The following GALNT14 variants were observed in gnomAD, a reference collection of about 807,000 sequenced individuals.
The protein encoded by GALNT14 is polypeptide N-acetylgalactosaminyltransferase 14.
Under a neutral mutation model 77.5 loss-of-function variants are expected in GALNT14, and 60 were observed. The observed-to-expected ratio is 0.77, with a 90% CI of 0.63 to 0.96. GALNT14 has a LOEUF of 0.96. GALNT14 is among the 40% of genes least tolerant of loss of function. The pLI is 0.00. For missense variants in GALNT14, 710 were observed against 731.0 expected, an observed-to-expected ratio of 0.97 and a Z score of 0.33; for synonymous variants, 280 against 281.7, an observed-to-expected ratio of 0.99 and a Z score of 0.06.
At chr2:31,100,436 C>G (rs1299909435) in intron 1 of GALNT14, among the ~76,000 whole-genome samples, 3 of 151,892 alleles carry the variant, frequency 2.0e-5, no homozygotes, top group Admixed American at 1.3e-4. Flanking sequence ...TTATGGAATT[C>G]TTTTATTGTT....
chr2:31,015,297 GAAAA>G (rs57122032), intron 1 of GALNT14, among the ~76,000 whole-genome samples: 3 of 121,020 alleles, frequency 2.5e-5, no homozygotes, highest in Admixed American at 8.4e-5. Context: ...CATCTCAAAG[GAAAA>G]AAAAAAAAAA....
At chr2:30,945,620 A>G (rs1004582653) in intron 7 of GALNT14, among the ~76,000 whole-genome samples, 163 bp downstream of exon 7, 1 of 152,198 alleles carries the variant, frequency 6.6e-6, no homozygotes, top group Non-Finnish European at 1.5e-5. Context: ...TTCCATCCAC[A>G]GTCCTGGTGG....
intron 2 of GALNT14, among the ~76,000 whole-genome samples, chr2:30,984,337 C>T (rs1183811133): frequency 6.6e-6 from 1 of 152,222 alleles, no homozygotes; most frequent in Admixed American, 6.5e-5. Context: ...GGGGCAGGGG[C>T]ACCACTCCTG....
At chr2:30,978,845 C>G (rs1432921674) in intron 2 of GALNT14, among the ~76,000 whole-genome samples, 3 of 152,106 alleles carry the variant, frequency 2.0e-5, no homozygotes, top group African/African-American at 4.8e-5. Context: ...GGGTGATAGA[C>G]AGTAAGCTGA....
intron 1 of GALNT14, among the ~76,000 whole-genome samples, chr2:31,006,613 G>A (rs1340313038): frequency 6.6e-6 from 1 of 152,194 alleles, no homozygotes; most frequent in African/African-American, 2.4e-5. Context: ...ATAGAGTGAG[G>A]CTTCCAAAAC....
chr2:31,030,698 A>G (rs1672350399), intron 1 of GALNT14, among the ~76,000 whole-genome samples: 1 of 152,086 alleles, frequency 6.6e-6, no homozygotes, highest in Non-Finnish European at 1.5e-5. Flanking sequence ...CTACCTTCCA[A>G]ATCTCAGGCA....
At chr2:30,929,207 G>A (rs1665570331) in intron 11 of GALNT14, among the ~76,000 whole-genome samples, 188 bp downstream of exon 11, 1 of 152,236 alleles carries the variant, frequency 6.6e-6, no homozygotes. Flanking sequence ...TTCCACAAGA[G>A]CTGCCTAAAG....
At chr2:31,082,580 A>T (rs1422988046) in intron 1 of GALNT14, among the ~76,000 whole-genome samples, 1 of 152,224 alleles carries the variant, frequency 6.6e-6, no homozygotes, top group Non-Finnish European at 1.5e-5. Context: ...CAGGTGAACT[A>T]ACTATAACCT....
intron 13 of GALNT14, among the ~76,000 whole-genome samples, chr2:30,913,614 T>C (rs1168749869): frequency 6.6e-6 from 1 of 152,188 alleles, no homozygotes; most frequent in African/African-American, 2.4e-5. Context: ...CTGTCCTGAA[T>C]ACGTCCACCT....
At chr2:31,003,063 A>G (rs1041253288) in intron 1 of GALNT14, among the ~76,000 whole-genome samples, 5 of 152,200 alleles carry the variant, frequency 3.3e-5, no homozygotes, top group African/African-American at 1.2e-4. Context: ...AAGCCAAATT[A>G]CCCTGCACTG....
Position 30,957,699 on chromosome 2 carries a change from T to TGGAAG in GALNT14, c.466+697_466+698insCTTCC, listed in dbSNP as rs1667450999. 2.0e-5 allele frequency among the ~76,000 whole-genome samples: 3 copies of TGGAAG among 152,144 alleles called. No individual in the cohort carries two copies. The South Asian group carries it at 6.2e-4, about 32-fold the overall frequency. On this transcript the variant is annotated intron_variant, in intron 4 of 14. Coordinates refer to ENST00000349752, the MANE Select transcript of GALNT14 (RefSeq NM_024572.4). ...AATGCCCAGCTTCCAGCCTCAGAAC[T>TGGAAG]AGTGGGGGTGGACTCCACTCTGATA...
At chr2:31,093,360 A>G (rs1231501624) in intron 1 of GALNT14, among the ~76,000 whole-genome samples, 1 of 152,218 alleles carries the variant, frequency 6.6e-6, no homozygotes, top group Non-Finnish European at 1.5e-5. Flanking sequence ...TGCAGAAGCT[A>G]GCTTGAGATG....
At chr2:31,105,893 C>G (rs532738924) in intron 1 of GALNT14, among the ~76,000 whole-genome samples, 1 of 152,120 alleles carries the variant, frequency 6.6e-6, no homozygotes, top group Non-Finnish European at 1.5e-5. Context: ...ACTTTTCTAG[C>G]CTTCCTTCTT....
chr2:30,958,301 C>T, intron 4 of GALNT14, 96 bp downstream of exon 4: 2 of 1,065,760 alleles, frequency 1.9e-6, no homozygotes, highest in East Asian at 2.4e-5. Context: ...GGGCTTTTCC[C>T]CATTCCCAGA....
chr2:31,088,132 T>A (rs1553375549), intron 1 of GALNT14, among the ~76,000 whole-genome samples: 1 of 151,858 alleles, frequency 6.6e-6, no homozygotes, highest in Non-Finnish European at 1.5e-5. Flanking sequence ...CCAAACAAAC[T>A]CAGAGAAAAA....
chr2:30,981,414 C>T (rs549997187), intron 2 of GALNT14, among the ~76,000 whole-genome samples: 102 of 152,332 alleles, frequency 6.7e-4, no homozygotes, highest in African/African-American at 2.2e-3. Flanking sequence ...ATCTCTGCTG[C>T]TGCTGTGTTT....
At chr2:30,927,004 AT>A (rs566064876) in intron 11 of GALNT14, among the ~76,000 whole-genome samples, 2 of 151,318 alleles carry the variant, frequency 1.3e-5, no homozygotes, top group East Asian at 1.9e-4. Context: ...TCCCCTTCCT[AT>A]TTTTTTTTCT....
the GALNT14 span, among the ~76,000 whole-genome samples, chr2:30,896,803 TC>T: frequency 1.3e-5 from 2 of 151,686 alleles, no homozygotes; most frequent in African/African-American, 4.8e-5. Context: ...TCTTTCCCCC[TC>T]CCTCTTCTCC....
intron 10 of GALNT14, among the ~76,000 whole-genome samples, chr2:30,931,410 G>GA (rs1467321198): frequency 5.3e-5 from 8 of 152,222 alleles, no homozygotes; most frequent in African/African-American, 1.7e-4. Flanking sequence ...AAGGAGAAGA[G>GA]AAAGATCGAA....
Sources: allele counts gnomAD v4.1 joint callset (sites outside exome capture counted in the v4.1 genomes callset), GRCh38; gene constraint gnomAD v4.1.1; transcripts MANE v1.5; gene names NCBI Gene and HGNC (gene_info 2026-07-23, HGNC 2026-07-21).